The following DNMT3A variants were observed in gnomAD, a reference collection of about 807,000 sequenced individuals.
DNMT3A encodes the protein DNA (cytosine-5)-methyltransferase 3A.
Under a neutral mutation model 117.6 loss-of-function variants are expected in DNMT3A, and 267 were observed. That is an observed-to-expected ratio of 2.27 (90% CI 2.05 to 2.51). The LOEUF is 2.51. DNMT3A is among the 30% of genes most tolerant of loss of function. DNMT3A has a pLI of 0.00. For synonymous variants in DNMT3A, 432 were observed against 474.8 expected (o/e 0.91, Z 1.17); for missense variants, 1,029 against 1,260.2 (o/e 0.82, Z 2.78).
intron 2 of DNMT3A, among the ~76,000 whole-genome samples, chr2:25,303,418 G>A (rs1000566707): frequency 9.2e-5 from 14 of 152,218 alleles, no homozygotes; most frequent in African/African-American, 3.4e-4. Flanking sequence ...GCCTGTAGGT[G>A]CTCGGCACAT....
chr2:25,265,179 G>A (rs2030192595), intron 6 of DNMT3A, among the ~76,000 whole-genome samples: 1 of 152,222 alleles, frequency 6.6e-6, no homozygotes. Flanking sequence ...GTAGAGCAGG[G>A]AGGGGTGGTC....
In DNMT3A at chr2:25,286,231, C is replaced by T. The variant is rs1558708615; in HGVS notation, c.178-3520G>A. On this transcript the variant is annotated intron_variant, in intron 3 of 22. Transcript: ENST00000321117. The surrounding 1 kb of genome is among the most constrained non-coding windows in gnomAD (Gnocchi z 4.3). Reference sequence around the variant, plus strand: ...GGCCGGCTCTGAGGCCCAACACAGCCCCAGGCTCCCGACCAACCCAGTCCT... The same window carrying T: ...GGCCGGCTCTGAGGCCCAACACAGCTCCAGGCTCCCGACCAACCCAGTCCT... Among the ~76,000 whole-genome samples the T allele has an allele frequency of 6.6e-6, 1 of 152,232 alleles. No individual in the cohort carries two copies. The highest frequency in any genetic ancestry group is 1.5e-5 in the Non-Finnish European group (1 of 68,036).
intron 1 of DNMT3A, among the ~76,000 whole-genome samples, chr2:25,335,427 A>C (rs959987055): frequency 2.6e-5 from 4 of 152,132 alleles, no homozygotes; most frequent in Admixed American, 6.5e-5. Flanking sequence ...GGGGAGGGAC[A>C]CTCCGAAGGC....
rs745657224 is a variant in DNMT3A, at chr2:25,337,163, G to A, written c.-178+4663C>T. The stretch of plus-strand genomic sequence containing the variant: ...ACAGCGGGAGGGATTTCAGGTGGAA[G>A]CAAAACAACCTGTTGACACGAGATT... On this transcript the variant is annotated intron_variant, in intron 1 of 22. Transcript: ENST00000321117. The surrounding 1 kb of genome is among the most constrained non-coding windows in gnomAD (Gnocchi z 5.0). Among the ~76,000 whole-genome samples the A allele has an allele frequency of 6.6e-6, 1 of 152,202 alleles. No individual in the cohort carries two copies. Among genetic ancestry groups the A allele is most frequent in the Non-Finnish European group, 1.5e-5 (1 of 68,036 alleles).
intron 2 of DNMT3A, among the ~76,000 whole-genome samples, chr2:25,308,135 G>A (rs1237244704): frequency 4.6e-5 from 7 of 152,162 alleles, no homozygotes; most frequent in Admixed American, 3.9e-4. Flanking sequence ...TTCATGGGGC[G>A]GCAGTGGGTG....
intron 1 of DNMT3A, among the ~76,000 whole-genome samples, chr2:25,320,422 C>T (rs909994459): frequency 1.3e-5 from 2 of 152,108 alleles, no homozygotes; most frequent in Non-Finnish European, 2.9e-5. Flanking sequence ...ACCAACTATC[C>T]TGTTTTGATC....
intron 3 of DNMT3A, among the ~76,000 whole-genome samples, chr2:25,297,727 C>A (rs2033177035): frequency 6.6e-6 from 1 of 152,194 alleles, no homozygotes; most frequent in South Asian, 2.1e-4. Flanking sequence ...CCAGGCTGGT[C>A]TCAAACTCCT....
rs2031908506 is a variant in DNMT3A at position 25,281,936 on chromosome 2, G to A, written c.448+505C>T. 1.6e-5 allele frequency: 17 copies of A among 1,080,588 alleles called. No homozygotes were observed. The highest frequency in any genetic ancestry group is 1.8e-5 in the Non-Finnish European group (16 of 888,048). 66.9% of individuals were successfully genotyped at this position (1,080,588 alleles called of 1,614,324 possible). The stretch of plus-strand genomic sequence containing the variant: ...GTGGGCTCAGGACCTCTGCACTCAG[G>A]GAGGCAAACAGGGTATCTGCTGCCC... On this transcript the variant is annotated intron_variant, in intron 4 of 22. Transcript: ENST00000321117. This position sits in a 1 kb window ranked among gnomAD's most constrained non-coding sequence, Gnocchi z 4.8.
intron 4 of DNMT3A, among the ~76,000 whole-genome samples, chr2:25,277,285 C>T (rs2031500833): frequency 6.6e-6 from 1 of 151,620 alleles, no homozygotes; most frequent in Admixed American, 6.5e-5. Flanking sequence ...GCCAGCTCCC[C>T]ACTTTTTTCG....
chr2:25,264,400 A>G (rs1462193392), intron 6 of DNMT3A, among the ~76,000 whole-genome samples: 1 of 151,652 alleles, frequency 6.6e-6, no homozygotes, highest in Non-Finnish European at 1.5e-5. Context: ...TTGGCCTCCC[A>G]CAGTGTTGGG....
rs60181896 is a variant in DNMT3A, at chr2:25,305,154, T to C, written c.73-4911A>G. Among the ~76,000 whole-genome samples the C allele has an allele frequency of 0.026, 3,903 of 152,272 alleles. 163 individuals are homozygous for C. Among genetic ancestry groups the C allele is most frequent in the African/African-American group, 0.088 (3,645 of 41,546 alleles). On this transcript the variant is annotated intron_variant, in intron 2 of 22. Transcript: ENST00000321117. This position sits in a 1 kb window ranked among gnomAD's most constrained non-coding sequence, Gnocchi z 4.1. ...ATCTACAAACCCGTACAAATACAAC[T>C]GTGTACGAGGTTCCAGTGCCTCTCG...
At chr2:25,264,789 C>T (rs6546045) in intron 6 of DNMT3A, among the ~76,000 whole-genome samples, 110,882 of 152,054 alleles carry the variant, frequency 0.73, 40,828 homozygotes, top group African/African-American at 0.84. Context: ...GGATGCTTCA[C>T]GTATGTGCCT....
chr2:25,274,383 G>C (rs1297730340), intron 6 of DNMT3A, among the ~76,000 whole-genome samples: 1 of 152,202 alleles, frequency 6.6e-6, no homozygotes, highest in African/African-American at 2.4e-5. Context: ...GCCAGCTTTT[G>C]GGCAGACTCT....
At chr2:25,323,662 T>A (rs1302198026) in intron 1 of DNMT3A, among the ~76,000 whole-genome samples, 4 of 152,188 alleles carry the variant, frequency 2.6e-5, no homozygotes, top group Non-Finnish European at 5.9e-5. Context: ...CGATGATTAC[T>A]CTCAGATTCA....
At position 25,254,872 on chromosome 2, in the gene DNMT3A, T is replaced by C. The variant is rs1027437172; in HGVS notation, c.640-6620A>G. 2.6e-5 allele frequency among the ~76,000 whole-genome samples: 4 copies of C among 152,254 alleles called. No homozygotes were observed. Among genetic ancestry groups the C allele is most frequent in the Non-Finnish European group, 5.9e-5 (4 of 68,048 alleles). Reference sequence around the variant, plus strand: ...CATAAGACTGCAATGATGCCGTGCGTGCAGCAAGGACTCAAGGTGTCAGAA... The same window carrying C: ...CATAAGACTGCAATGATGCCGTGCGCGCAGCAAGGACTCAAGGTGTCAGAA... On this transcript the variant is annotated intron_variant, in intron 6 of 22. Coordinates refer to ENST00000321117, the MANE Select transcript of DNMT3A (RefSeq NM_022552.5). The surrounding 1 kb of genome is among the most constrained non-coding windows in gnomAD (Gnocchi z 4.7).
chr2:25,248,216 C>T lies in DNMT3A; in HGVS notation c.676G>A (p.Ala226Thr), dbSNP rs1219908429. ...KKAKVIAGMN[A>T]VEENQGPGES... ...CCGGGCCCCTGGTTTTCTTCCACAG[C>T]ATTCATTCCTGCAATGACCTTGGCT... The change falls in exon 7 of 23, where the codon GCT (alanine) becomes ACT (threonine). Residue 226 changes from alanine (A) to threonine (T), a missense_variant. Coordinates refer to ENST00000321117, the MANE Select transcript of DNMT3A (RefSeq NM_022552.5). The T allele has an allele frequency of 6.2e-7, 1 of 1,612,816 alleles. No individual in the cohort carries two copies. Among genetic ancestry groups the T allele is most frequent in the Non-Finnish European group, 8.5e-7 (1 of 1,179,678 alleles).
intron 1 of DNMT3A, among the ~76,000 whole-genome samples, chr2:25,320,674 A>C (rs2149436878): frequency 6.6e-6 from 1 of 152,322 alleles, no homozygotes; most frequent in East Asian, 1.9e-4. Context: ...AAACTATTAC[A>C]GTGCACCACA....
At chr2:25,245,890 G>A in intron 12 of DNMT3A, 130 bp downstream of exon 12, 1 of 1,179,764 alleles carries the variant, frequency 8.5e-7, no homozygotes, top group East Asian at 2.3e-5. Flanking sequence ...AGTGCACGAA[G>A]CACGGTGAAG....
In DNMT3A at chr2:25,329,010, G is replaced by A. The variant is rs368972818; in HGVS notation, c.-178+12816C>T. On this transcript the variant is annotated intron_variant, in intron 1 of 22. Transcript: ENST00000321117. ...CTCCCTCTTGGGTCAAAACCAGGAGGTCCCCCAAAGGGTCTTCAGGGCTTG... is the reference window on the plus strand; with the variant it reads ...CTCCCTCTTGGGTCAAAACCAGGAGATCCCCCAAAGGGTCTTCAGGGCTTG... Among the ~76,000 whole-genome samples the A allele has an allele frequency of 6.2e-4, 94 of 152,242 alleles. 1 individual carries two copies. The South Asian group carries it at 0.018, about 30-fold the overall frequency.
Sources: allele counts gnomAD v4.1 joint callset (sites outside exome capture counted in the v4.1 genomes callset), GRCh38; gene constraint gnomAD v4.1.1; non-coding constraint Gnocchi (gnomAD v3.1); transcripts MANE v1.5; gene names NCBI Gene and HGNC (gene_info 2026-07-23, HGNC 2026-07-21).